The following PLEKHG5 variants were observed in gnomAD, a reference collection of about 807,000 sequenced individuals.
The protein encoded by PLEKHG5 is pleckstrin homology domain-containing family G member 5.
PLEKHG5 carries 52 observed loss-of-function variants against 103.8 expected under a neutral mutation model. The ratio of observed to expected loss-of-function variants is 0.50; its 90% CI spans 0.40 to 0.63. The LOEUF (loss-of-function observed/expected upper bound fraction) is 0.63, where lower values mean the gene tolerates loss of function less well. Ranked by LOEUF, PLEKHG5 falls within the 30% of genes least tolerant of loss-of-function variation. The pLI, the probability that PLEKHG5 is intolerant of heterozygous loss-of-function variation, is 0.00. For missense variants in PLEKHG5, 1,205 were observed against 1,347.6 expected (o/e 0.89, Z 1.66); for synonymous variants, 592 against 575.5 (o/e 1.03, Z -0.41).
At chr1:6,515,136 T>G (rs369203846) in intron 1 of PLEKHG5, among the ~76,000 whole-genome samples, 8 of 139,558 alleles carry the variant, frequency 5.7e-5, no homozygotes, top group African/African-American at 2.3e-4. Context: ...GACAATGTGC[T>G]AAATGCTTTG....
chr1:6,474,202 G>A (rs373098041), intron 6 of PLEKHG5, 38 bp from the exon 7 acceptor site: 3 of 1,610,332 alleles, frequency 1.9e-6, no homozygotes, highest in East Asian at 4.5e-5. Context: ...CAGTACCCTG[G>A]TCTGGTGGAG....
chr1:6,478,037 T>A (rs1052231829), intron 1 of PLEKHG5, among the ~76,000 whole-genome samples: 1 of 151,880 alleles, frequency 6.6e-6, no homozygotes, highest in Admixed American at 6.6e-5. Flanking sequence ...CACACCACCA[T>A]GCCCAGCTAA....
Position 6,470,658 on chromosome 1 carries a change from G to A in PLEKHG5, c.1543-15C>T, listed in dbSNP as rs1265587985. ...ACGGAGCCGATCTAGGGGCAGGTGA[G>A]GGAGCTTCAGGTCCAGGGTCATGAC... On this transcript the variant is annotated splice_polypyrimidine_tract_variant and intron_variant, in intron 14 of 20. Coordinates refer to ENST00000377728, the MANE Select transcript of PLEKHG5 (RefSeq NM_020631.6). The A allele has an allele frequency of 3.8e-6, 6 of 1,560,080 alleles. No individual in the cohort carries two copies. In the South Asian group the frequency reaches 5.8e-5, roughly 15 times the overall value.
chr1:6,474,809 C>T (rs1282702628), intron 5 of PLEKHG5: 6 of 656,678 alleles, frequency 9.1e-6, no homozygotes, highest in Admixed American at 2.2e-5. Context: ...CTGTCACACG[C>T]CTGCCCACAC....
chr1:6,475,612 G>T, intron 3 of PLEKHG5, 90 bp from the exon 4 acceptor site: 1 of 1,128,446 alleles, frequency 8.9e-7, no homozygotes, highest in Non-Finnish European at 1.3e-6. Flanking sequence ...CCCCGCCCTT[G>T]GCTCACCCCA....
chr1:6,471,733 C>T (rs752698342), intron 11 of PLEKHG5, 25 bp downstream of exon 11: 1 of 1,604,374 alleles, frequency 6.2e-7, no homozygotes, highest in East Asian at 2.2e-5. Context: ...ACCTCACCCG[C>T]CGCCGCCCCC....
At position 6,490,122 on chromosome 1, in the gene PLEKHG5, C is replaced by G. The variant is rs1333132691; in HGVS notation, c.-88+1515G>C. Among the ~76,000 whole-genome samples, 1 of 152,146 alleles carries G rather than the reference C, an allele frequency of 6.6e-6. No homozygotes were observed. The highest frequency in any genetic ancestry group is 1.5e-5 in the Non-Finnish European group (1 of 68,010). The stretch of plus-strand genomic sequence containing the variant: ...CAGATGGGGAGGATCGGCTGAGCCT[C>G]CCAGCCACGCCGCGCGCCCGGGCCC... On this transcript the variant is annotated intron_variant, in intron 1 of 20. Transcript: ENST00000377728. The surrounding 1 kb of genome is among the most constrained non-coding windows in gnomAD (Gnocchi z 8.0).
At chr1:6,497,269 C>T, upstream of PLEKHG5, 3 of 910,838 alleles carry the variant, frequency 3.3e-6, no homozygotes, top group African/African-American at 1.7e-5. The surrounding 1 kb of genome is among the most constrained non-coding windows in gnomAD (Gnocchi z 6.1). Context: ...GGAGCCGGCC[C>T]GGCCCCCCAG....
intron 1 of PLEKHG5, among the ~76,000 whole-genome samples, chr1:6,504,367 G>A (rs1387384281): frequency 6.6e-6 from 1 of 151,828 alleles, no homozygotes; most frequent in Non-Finnish European, 1.5e-5. Flanking sequence ...CTCATGTCCT[G>A]CCCTCCCTGC....
At chr1:6,471,253 CTG>C in intron 12 of PLEKHG5, 153 bp from the exon 13 acceptor site, 1 of 803,056 alleles carries the variant, frequency 1.2e-6, no homozygotes, top group Non-Finnish European at 2.1e-6. Flanking sequence ...GATGAGGAAA[CTG>C]AGCCTCAGCC....
chr1:6,509,725 T>C (rs1297061605), intron 1 of PLEKHG5, among the ~76,000 whole-genome samples: 3 of 152,218 alleles, frequency 2.0e-5, no homozygotes, highest in Non-Finnish European at 2.9e-5. Flanking sequence ...GTTAGGCTTC[T>C]GCCTCCCAAG....
chr1:6,467,420 G>C lies in PLEKHG5; in HGVS notation c.*143C>G, dbSNP rs959755898. The C allele has an allele frequency of 2.0e-5, 18 of 897,272 alleles. No individual in the cohort carries two copies. The highest frequency in any genetic ancestry group is 3.4e-5 in the Non-Finnish European group (18 of 534,588). The allele number at this position is 897,272 out of a possible 1,614,324, so 55.6% of individuals were successfully genotyped here. ...CATCCAGTCCGGCAAAGCGCAAATCGGGCCCGGGCGTAGGCAGGGATCCTG... is the reference window on the plus strand; with the variant it reads ...CATCCAGTCCGGCAAAGCGCAAATCCGGCCCGGGCGTAGGCAGGGATCCTG... On this transcript the variant is annotated 3_prime_UTR_variant, in exon 21 of 21. Coordinates refer to ENST00000377728, the MANE Select transcript of PLEKHG5 (RefSeq NM_020631.6).
chr1:6,476,222 A>G (rs1401297347), intron 2 of PLEKHG5, among the ~76,000 whole-genome samples, 186 bp from the exon 3 acceptor site: 1 of 152,002 alleles, frequency 6.6e-6, no homozygotes. Context: ...ATAGGGTCTC[A>G]CTCTGTCACC....
intron 6 of PLEKHG5, 60 bp downstream of exon 6, chr1:6,474,391 C>T (rs1032871928): frequency 5.1e-5 from 81 of 1,598,220 alleles, no homozygotes; most frequent in Admixed American, 8.4e-5. Flanking sequence ...GGGAAGGGCG[C>T]CCATCTCCAG....
intron 3 of PLEKHG5, 78 bp from the exon 4 acceptor site, chr1:6,475,600 C>A: frequency 8.0e-7 from 1 of 1,257,102 alleles, no homozygotes; most frequent in Non-Finnish European, 1.2e-6. Flanking sequence ...GGCCTGTGGC[C>A]TCCCCGCCCT....
At chr1:6,512,951 G>GC (rs1395984971) in intron 1 of PLEKHG5, among the ~76,000 whole-genome samples, 1 of 152,208 alleles carries the variant, frequency 6.6e-6, no homozygotes, top group African/African-American at 2.4e-5. Context: ...AGAGACAGTG[G>GC]CCAACAGTCA....
chr1:6,488,195 G>T (rs759939950), intron 1 of PLEKHG5, among the ~76,000 whole-genome samples: 2 of 152,216 alleles, frequency 1.3e-5, no homozygotes, highest in African/African-American at 4.8e-5. Flanking sequence ...CATCGTGGGA[G>T]TTCCAGGCAG....
At chr1:6,516,729 ATGTGTGTATATATATGTG>A (rs1638624199) in intron 1 of PLEKHG5, among the ~76,000 whole-genome samples, 2 of 147,246 alleles carry the variant, frequency 1.4e-5, no homozygotes, top group South Asian at 2.2e-4. Flanking sequence ...ATATATATAT[ATGTGTGTATATATATGTG>A]TGTGTGTATA....
chr1:6,485,780 G>T, intron 1 of PLEKHG5: 3 of 611,888 alleles, frequency 4.9e-6, no homozygotes, highest in Non-Finnish European at 6.1e-6. Flanking sequence ...CCCCGCCTCC[G>T]CCCAGTCCCC....
Sources: allele counts gnomAD v4.1 joint callset (sites outside exome capture counted in the v4.1 genomes callset), GRCh38; gene constraint gnomAD v4.1.1; non-coding constraint Gnocchi (gnomAD v3.1); transcripts MANE v1.5; gene names NCBI Gene and HGNC (gene_info 2026-07-23, HGNC 2026-07-21).